MAML3: variants seen among roughly 807,000 people sequenced by gnomAD.
The protein encoded by MAML3 is mastermind-like protein 3.
Under a neutral mutation model 101.9 loss-of-function variants are expected in MAML3, and 27 were observed. The ratio of observed to expected loss-of-function variants is 0.27; its 90% CI spans 0.20 to 0.37. The LOEUF (loss-of-function observed/expected upper bound fraction) is 0.37. Among genes scored for constraint, MAML3 ranks in the 10% least tolerant of loss-of-function variants. The pLI is 1.00. For missense variants in MAML3, 1,316 were observed against 1,444.9 expected, an observed-to-expected ratio of 0.91 and a Z score of 1.45; for synonymous variants, 501 against 555.9, an observed-to-expected ratio of 0.90 and a Z score of 1.39.
intron 1 of MAML3, among the ~76,000 whole-genome samples, chr4:140,125,593 A>G (rs1348166067): frequency 1.3e-5 from 2 of 152,200 alleles, no homozygotes; most frequent in African/African-American, 4.8e-5. Context: ...ACTCCTATGT[A>G]GAGGAGAAGG....
intron 2 of MAML3, among the ~76,000 whole-genome samples, chr4:139,864,695 A>AG (rs1560818050): frequency 3.3e-5 from 5 of 149,446 alleles, no homozygotes; most frequent in East Asian, 2.1e-4. Flanking sequence ...AAAAAAAAAA[A>AG]AAAAGAAAAA....
chr4:139,948,468 T>A (rs1340988037), intron 1 of MAML3, among the ~76,000 whole-genome samples: 4 of 152,244 alleles, frequency 2.6e-5, no homozygotes, highest in African/African-American at 9.6e-5. Context: ...CATTCATAGG[T>A]GTATTAGCTC....
At chr4:140,029,346 T>C (rs1024423008) in intron 1 of MAML3, among the ~76,000 whole-genome samples, 1 of 152,212 alleles carries the variant, frequency 6.6e-6, no homozygotes, top group Non-Finnish European at 1.5e-5. Flanking sequence ...CAGTTATGCC[T>C]CAAAGACCAC....
intron 2 of MAML3, among the ~76,000 whole-genome samples, chr4:139,765,238 C>T (rs1432360918): frequency 6.6e-6 from 1 of 152,204 alleles, no homozygotes; most frequent in Non-Finnish European, 1.5e-5. Flanking sequence ...CACTGTGGGG[C>T]ACATGGACAA....
chr4:139,781,540 A>G (rs1190982942), intron 2 of MAML3, among the ~76,000 whole-genome samples: 1 of 131,084 alleles, frequency 7.6e-6, no homozygotes, highest in African/African-American at 2.7e-5. Flanking sequence ...TAGTCTGTAC[A>G]GCACACCCAT....
chr4:139,950,513 C>T (rs537420434), intron 1 of MAML3, among the ~76,000 whole-genome samples: 12 of 152,326 alleles, frequency 7.9e-5, no homozygotes, highest in Admixed American at 2.0e-4. Context: ...CCTCCTATCA[C>T]CTTTTTCACA....
rs578143883 is a variant in MAML3 at position 139,755,179 on chromosome 4, A to G, written c.2080-24512T>C. Among the ~76,000 whole-genome samples, 12 of 152,346 alleles carry G rather than the reference A, an allele frequency of 7.9e-5. No individual in the cohort carries two copies. In the East Asian group the frequency reaches 2.3e-3, roughly 29 times the overall value. On this transcript the variant is annotated intron_variant, in intron 2 of 4. Coordinates refer to ENST00000509479, the MANE Select transcript of MAML3 (RefSeq NM_018717.5). The stretch of plus-strand genomic sequence containing the variant: ...TGAATGACAGCCGGTTTGCTGTTCC[A>G]TATTTCAACAGCCATAAGCCGGAAT...
At chr4:139,845,443 A>G (rs1731426900) in intron 2 of MAML3, among the ~76,000 whole-genome samples, 1 of 152,242 alleles carries the variant, frequency 6.6e-6, no homozygotes. Flanking sequence ...GAAAAATTAA[A>G]TAAGTGCAAG....
intron 1 of MAML3, among the ~76,000 whole-genome samples, chr4:140,131,267 G>A (rs993612030): frequency 7.2e-5 from 11 of 152,138 alleles, no homozygotes; most frequent in Admixed American, 2.0e-4. Context: ...CCACTGTAAC[G>A]TGCCCTTAAA....
chr4:140,105,497 T>C (rs1230369730), intron 1 of MAML3, among the ~76,000 whole-genome samples: 5 of 152,146 alleles, frequency 3.3e-5, no homozygotes, highest in African/African-American at 7.2e-5. Context: ...ATGGAATAAA[T>C]AGTAGGAATT....
intron 1 of MAML3, among the ~76,000 whole-genome samples, chr4:140,072,731 A>G (rs1451098835): frequency 6.6e-6 from 1 of 151,778 alleles, no homozygotes; most frequent in African/African-American, 2.4e-5. Flanking sequence ...ATACAACACC[A>G]TTGTATATCA....
At chr4:140,035,675 C>T (rs1026884686) in intron 1 of MAML3, among the ~76,000 whole-genome samples, 8 of 151,756 alleles carry the variant, frequency 5.3e-5, no homozygotes, top group Non-Finnish European at 1.0e-4. Flanking sequence ...GCCAGCTACC[C>T]AGGAGGCTGA....
chr4:140,146,671 T>C (rs1375366709), intron 1 of MAML3, among the ~76,000 whole-genome samples: 1 of 152,136 alleles, frequency 6.6e-6, no homozygotes, highest in Non-Finnish European at 1.5e-5. Flanking sequence ...ATACTGTAAT[T>C]TTGGAGCAGT....
At chr4:139,913,076 T>G (rs976772459) in intron 1 of MAML3, among the ~76,000 whole-genome samples, 1 of 152,242 alleles carries the variant, frequency 6.6e-6, no homozygotes, top group African/African-American at 2.4e-5. Context: ...ATGTAGGTAA[T>G]AAGTCAATGT....
At chr4:139,807,161 A>T (rs1730715857) in intron 2 of MAML3, among the ~76,000 whole-genome samples, 1 of 152,198 alleles carries the variant, frequency 6.6e-6, no homozygotes, top group African/African-American at 2.4e-5. Flanking sequence ...TATGACCCTA[A>T]ATAAGCCATT....
rs541712334 is a variant in MAML3, at chr4:139,923,231, G to A, written c.469-32264C>T. Reference sequence around the variant, plus strand: ...CCCCACACCCCGGGATCCAGACGGTGGAAGCTCCACCAAGCAAACAGCAAG... The same window carrying A: ...CCCCACACCCCGGGATCCAGACGGTAGAAGCTCCACCAAGCAAACAGCAAG... On this transcript the variant is annotated intron_variant, in intron 1 of 4. Coordinates refer to ENST00000509479, the MANE Select transcript of MAML3 (RefSeq NM_018717.5). Among the ~76,000 whole-genome samples, 16 of 152,214 alleles carry A rather than the reference G, an allele frequency of 1.1e-4. No homozygotes were observed. In the East Asian group the frequency reaches 2.7e-3, roughly 26 times the overall value.
At chr4:140,000,921 GGAAGGCTGAGGCAGGA>G (rs6148692) in intron 1 of MAML3, among the ~76,000 whole-genome samples, 78,176 of 151,794 alleles carry the variant, frequency 0.52, 20,604 homozygotes, top group Admixed American at 0.65. Flanking sequence ...CAGCTACTTG[GGAAGGCTGAGGCAGGA>G]GAATCACTTG....
chr4:139,798,266 A>T (rs2111099578), intron 2 of MAML3, among the ~76,000 whole-genome samples: 1 of 152,308 alleles, frequency 6.6e-6, no homozygotes, highest in East Asian at 1.9e-4. Context: ...CTTGGAATGA[A>T]TGGTAACTAT....
At chr4:139,982,535 G>A (rs1178851970) in intron 1 of MAML3, among the ~76,000 whole-genome samples, 1 of 152,056 alleles carries the variant, frequency 6.6e-6, no homozygotes, top group Non-Finnish European at 1.5e-5. Flanking sequence ...GACAGAGCAA[G>A]GGAATATATA....
Sources: allele counts gnomAD v4.1 joint callset (sites outside exome capture counted in the v4.1 genomes callset), GRCh38; gene constraint gnomAD v4.1.1; transcripts MANE v1.5; gene names NCBI Gene and HGNC (gene_info 2026-07-23, HGNC 2026-07-21).